DRC8: variants seen among roughly 807,000 people sequenced by gnomAD.
DRC8 encodes the protein dynein regulatory complex subunit 8, also known as dynein regulatory complex protein 8.
At chr1:244,984,532 C>G in the DRC8 span, among the ~76,000 whole-genome samples, 8 of 152,062 alleles carry the variant, frequency 5.3e-5, no homozygotes, top group East Asian at 1.5e-3. Flanking sequence ...TTCTGTGAAT[C>G]CTTTTAAAAT....
At chr1:244,974,517 C>G in the DRC8 span, among the ~76,000 whole-genome samples, 1 of 152,136 alleles carries the variant, frequency 6.6e-6, no homozygotes, top group African/African-American at 2.4e-5. Context: ...AGAGGTTTTA[C>G]AAGGTTTGTT....
the DRC8 span, among the ~76,000 whole-genome samples, chr1:244,971,746 C>A: frequency 6.6e-6 from 1 of 152,162 alleles, no homozygotes; most frequent in South Asian, 2.1e-4. Flanking sequence ...GTCACTTGTT[C>A]CGGTGATCAC....
At chr1:245,103,603 G>C in the DRC8 span, among the ~76,000 whole-genome samples, 175 of 74,846 alleles carry the variant, frequency 2.3e-3, 3 homozygotes, top group Middle Eastern at 6.6e-3. Context: ...GTGAGGCTGA[G>C]GAGGATCAGA....
chr1:245,066,959 A>G, the DRC8 span, among the ~76,000 whole-genome samples: 1 of 152,160 alleles, frequency 6.6e-6, no homozygotes, highest in African/African-American at 2.4e-5. Context: ...CACCAGTGAC[A>G]AGAAATTGAA....
chr1:245,104,626 C>T, the DRC8 span, among the ~76,000 whole-genome samples: 1 of 152,182 alleles, frequency 6.6e-6, no homozygotes, highest in Non-Finnish European at 1.5e-5. Flanking sequence ...GTTTCCCTCA[C>T]CTCCATCCTC....
At chr1:244,974,842 C>G in the DRC8 span, among the ~76,000 whole-genome samples, 2 of 152,154 alleles carry the variant, frequency 1.3e-5, no homozygotes, top group Non-Finnish European at 2.9e-5. Flanking sequence ...ACTACAGGCG[C>G]AAGCCACCAT....
the DRC8 span, among the ~76,000 whole-genome samples, chr1:245,059,651 A>G: frequency 6.6e-6 from 1 of 152,250 alleles, no homozygotes; most frequent in East Asian, 1.9e-4. Context: ...TCTTGAAGAA[A>G]TGACTATGAA....
chr1:245,082,745 C>T, the DRC8 span, among the ~76,000 whole-genome samples: 2 of 151,942 alleles, frequency 1.3e-5, no homozygotes, highest in Admixed American at 6.6e-5. Flanking sequence ...GCTTTTGTCA[C>T]CCAGGCTGGA....
At chr1:245,110,861 G>A in the DRC8 span, among the ~76,000 whole-genome samples, 1 of 152,196 alleles carries the variant, frequency 6.6e-6, no homozygotes, top group Non-Finnish European at 1.5e-5. Context: ...GACACCAACA[G>A]CCAGAAGGGT....
chr1:245,087,770 T>A, the DRC8 span: 1 of 979,260 alleles, frequency 1.0e-6, no homozygotes, highest in South Asian at 4.7e-5. Flanking sequence ...GCTTCTTTTT[T>A]AAACAATAAC....
At chr1:245,083,145 G>A in the DRC8 span, among the ~76,000 whole-genome samples, 18 of 152,260 alleles carry the variant, frequency 1.2e-4, no homozygotes, top group East Asian at 3.9e-4. Context: ...ATTACTGCCC[G>A]AACTCCGCCT....
the DRC8 span, among the ~76,000 whole-genome samples, chr1:245,017,796 G>A: frequency 0.14 from 22,015 of 152,112 alleles, 2,357 homozygotes; most frequent in African/African-American, 0.3. Flanking sequence ...ACATAAAAAG[G>A]CAAGAGAAGA....
At chr1:245,110,088 T>C in the DRC8 span, among the ~76,000 whole-genome samples, 96,868 of 152,088 alleles carry the variant, frequency 0.64, 32,682 homozygotes, top group South Asian at 0.74. Context: ...TAAAAGAGCA[T>C]TAAGTTGAAT....
chr1:245,048,312 A>C, the DRC8 span, among the ~76,000 whole-genome samples: 1 of 152,312 alleles, frequency 6.6e-6, no homozygotes, highest in Admixed American at 6.5e-5. Flanking sequence ...GTACTGAGTG[A>C]AAATGTTGTA....
the DRC8 span, among the ~76,000 whole-genome samples, chr1:245,090,522 C>T: frequency 6.6e-3 from 1,008 of 152,304 alleles, 15 homozygotes; most frequent in African/African-American, 0.023. Context: ...CTCACATCCA[C>T]CCATCGGTGC....
At chr1:245,048,836 T>A in the DRC8 span, among the ~76,000 whole-genome samples, 1 of 152,144 alleles carries the variant, frequency 6.6e-6, no homozygotes, top group Non-Finnish European at 1.5e-5. Flanking sequence ...CTTTCTTTCT[T>A]TCTTTTTGGA....
At chr1:245,063,664 G>A in the DRC8 span, among the ~76,000 whole-genome samples, 1 of 152,152 alleles carries the variant, frequency 6.6e-6, no homozygotes, top group Non-Finnish European at 1.5e-5. Context: ...GATTGCTTGA[G>A]CTCAGGAATG....
chr1:245,073,819 C>G, the DRC8 span, among the ~76,000 whole-genome samples: 1 of 152,034 alleles, frequency 6.6e-6, no homozygotes, highest in African/African-American at 2.4e-5. Context: ...CTGTAGATGA[C>G]AGGATCGAAT....
chr1:245,000,552 A>G, the DRC8 span, among the ~76,000 whole-genome samples: 1 of 152,090 alleles, frequency 6.6e-6, no homozygotes, highest in African/African-American at 2.4e-5. Context: ...GAGCCAAGGC[A>G]GGCAGATCAT....
Sources: allele counts gnomAD v4.1 joint callset (sites outside exome capture counted in the v4.1 genomes callset), GRCh38; gene constraint gnomAD v4.1.1; transcripts MANE v1.5; gene names NCBI Gene and HGNC (gene_info 2026-07-23, HGNC 2026-07-21).